NBEA: variants seen among roughly 807,000 people sequenced by gnomAD.
NBEA encodes the protein neurobeachin.
A neutral mutation model predicts 343.4 loss-of-function variants in NBEA; 44 were observed. The ratio of observed to expected loss-of-function variants is 0.13; its 90% CI spans 0.10 to 0.16. NBEA has a LOEUF of 0.16. Ranked by LOEUF, NBEA falls within the 10% of genes least tolerant of loss-of-function variation. NBEA has a pLI of 1.00. For synonymous variants in NBEA, 1,175 were observed against 1,238.7 expected (o/e 0.95, Z 1.08); for missense variants, 2,555 against 3,631.3 (o/e 0.70, Z 7.62).
At chr13:35,661,237 T>C (rs1279157028) in intron 55 of NBEA, among the ~76,000 whole-genome samples, 1 of 152,214 alleles carries the variant, frequency 6.6e-6, no homozygotes, top group Non-Finnish European at 1.5e-5. Flanking sequence ...GAGCCCAGCT[T>C]CCTGAGGAAG....
At chr13:35,432,494 C>T (rs1019080306) in intron 39 of NBEA, 101 bp downstream of exon 39, 33 of 1,078,414 alleles carry the variant, frequency 3.1e-5, no homozygotes, top group Non-Finnish European at 3.9e-5. Flanking sequence ...TTAATGTTCT[C>T]CATGTCTTGA....
At chr13:35,082,080 C>A (rs994702032) in intron 10 of NBEA, among the ~76,000 whole-genome samples, 1 of 152,092 alleles carries the variant, frequency 6.6e-6, no homozygotes, top group African/African-American at 2.4e-5. Context: ...CCCCACCCCA[C>A]AACAGGCCCC....
intron 45 of NBEA, among the ~76,000 whole-genome samples, chr13:35,579,111 A>G (rs1457243932): frequency 6.6e-6 from 1 of 152,184 alleles, no homozygotes; most frequent in South Asian, 2.1e-4. Flanking sequence ...TCCTAGTACC[A>G]TGAACATCAT....
chr13:35,195,322 A>T (rs927522711), intron 30 of NBEA, among the ~76,000 whole-genome samples: 5 of 152,042 alleles, frequency 3.3e-5, no homozygotes, highest in African/African-American at 1.2e-4. Context: ...GAAATGCCAG[A>T]TGATTTAAGA....
intron 34 of NBEA, among the ~76,000 whole-genome samples, chr13:35,279,871 T>C (rs1165680787): frequency 1.3e-5 from 2 of 151,994 alleles, no homozygotes; most frequent in South Asian, 2.1e-4. Flanking sequence ...CTGAAAAGCC[T>C]GAGAAAAATA....
intron 33 of NBEA, among the ~76,000 whole-genome samples, chr13:35,231,277 A>G (rs1053580923): frequency 2.0e-5 from 3 of 152,146 alleles, no homozygotes; most frequent in Non-Finnish European, 2.9e-5. Context: ...GTCATCCGAT[A>G]TTATTCTCTA....
At chr13:35,316,701 T>G (rs191780707) in intron 36 of NBEA, among the ~76,000 whole-genome samples, 27 of 152,312 alleles carry the variant, frequency 1.8e-4, no homozygotes, top group Admixed American at 1.3e-4. Flanking sequence ...TCCACAGTGG[T>G]CAAACTAATT....
At position 35,669,326 on chromosome 13, in the gene NBEA, TAAGAA is replaced by T. The variant is rs2085497655; in HGVS notation, c.8813+811_8813+815del. ...TCTAATTTTTGCTATTTAACAGAAATAAGAAAAGCTTGTTAATCAACGTTTTTCCC... is the reference window on the plus strand; with the variant it reads ...TCTAATTTTTGCTATTTAACAGAAATAAGCTTGTTAATCAACGTTTTTCCC... On this transcript the variant is annotated intron_variant, in intron 58 of 58. Coordinates refer to ENST00000379939, the MANE Select transcript of NBEA (RefSeq NM_001385012.1). Among the ~76,000 whole-genome samples, 4 of 152,300 alleles carry T rather than the reference TAAGAA, an allele frequency of 2.6e-5. 1 individual carries two copies. In the South Asian group the frequency reaches 8.3e-4, roughly 32 times the overall value.
intron 48 of NBEA, among the ~76,000 whole-genome samples, chr13:35,612,001 T>C (rs2082541405): frequency 6.6e-6 from 1 of 152,108 alleles, no homozygotes; most frequent in Non-Finnish European, 1.5e-5. Context: ...TTTCTCAAAA[T>C]GACCTTGCAT....
At chr13:35,414,668 G>A (rs952928552) in intron 38 of NBEA, among the ~76,000 whole-genome samples, 14 of 152,120 alleles carry the variant, frequency 9.2e-5, no homozygotes, top group African/African-American at 2.2e-4. Flanking sequence ...CTTTGCTATT[G>A]TGAATAGTGC....
At chr13:34,952,352 C>T (rs2059375915) in intron 1 of NBEA, among the ~76,000 whole-genome samples, 1 of 152,134 alleles carries the variant, frequency 6.6e-6, no homozygotes, top group Admixed American at 6.6e-5. Flanking sequence ...TGGATTTGTA[C>T]ACTAAAGTGA....
chr13:35,580,502 C>A (rs957928739), intron 45 of NBEA, among the ~76,000 whole-genome samples: 2 of 152,144 alleles, frequency 1.3e-5, no homozygotes, highest in Non-Finnish European at 2.9e-5. Flanking sequence ...AGCAAACTTA[C>A]AACCTTGTCA....
intron 1 of NBEA, among the ~76,000 whole-genome samples, chr13:35,038,522 A>G (rs1593545299): frequency 6.6e-6 from 1 of 152,266 alleles, no homozygotes; most frequent in East Asian, 1.9e-4. Context: ...CCCTCAGCGT[A>G]GTACCTTGGT....
intron 35 of NBEA, among the ~76,000 whole-genome samples, chr13:35,296,939 T>C (rs929046679): frequency 2.0e-5 from 3 of 152,082 alleles, no homozygotes; most frequent in Non-Finnish European, 4.4e-5. Context: ...TTTCGTTGTT[T>C]AAATAATTAG....
chr13:35,144,648 T>C (rs561832691), intron 18 of NBEA, among the ~76,000 whole-genome samples: 3 of 152,328 alleles, frequency 2.0e-5, no homozygotes, highest in African/African-American at 7.2e-5. Flanking sequence ...CCATCTCTTA[T>C]TCTTATGGGC....
chr13:35,205,376 G>T (rs1435535816), intron 31 of NBEA, among the ~76,000 whole-genome samples: 1 of 152,122 alleles, frequency 6.6e-6, no homozygotes, highest in Admixed American at 6.6e-5. Flanking sequence ...AATTATCAGA[G>T]ATTTTTTTCT....
intron 39 of NBEA, among the ~76,000 whole-genome samples, chr13:35,442,950 G>A (rs1409331920): frequency 6.6e-6 from 1 of 152,078 alleles, no homozygotes; most frequent in Non-Finnish European, 1.5e-5. Flanking sequence ...AATCACGTTA[G>A]TATTGATCCA....
chr13:35,442,989 T>A (rs373665188), intron 39 of NBEA, among the ~76,000 whole-genome samples: 17 of 152,108 alleles, frequency 1.1e-4, no homozygotes, highest in African/African-American at 3.9e-4. Flanking sequence ...ATCCTTGATG[T>A]CCTTTTCCAG....
Position 35,655,852 on chromosome 13 carries a change from T to G in NBEA, c.8362+103T>G, listed in dbSNP as rs111749643. The G allele has an allele frequency of 2.5e-3, 2,969 of 1,174,028 alleles. 51 individuals are homozygous for G. The African/African-American group carries it at 0.042, about 16-fold the overall frequency. The allele number at this position is 1,174,028 out of a possible 1,614,324, so 72.7% of individuals were successfully genotyped here. On this transcript the variant is annotated intron_variant, in intron 55 of 58. Transcript: ENST00000379939. ...GTTTTTTCCTGAGGTGTAAGGATTT[T>G]AAAATATGAAAGCTTAAGTGGCCAA... is the stretch of plus-strand genomic sequence containing the variant.
Sources: gnomAD v4.1 joint callset for allele counts (sites outside exome capture counted in the v4.1 genomes callset) on GRCh38, gnomAD v4.1.1 for gene constraint, MANE v1.5 for transcripts, NCBI Gene and HGNC (gene_info 2026-07-23, HGNC 2026-07-21) for gene names.